The following GTF2B variants were observed in gnomAD, a reference collection of about 807,000 sequenced individuals.
GTF2B encodes general transcription factor IIB.
GTF2B carries 20 observed loss-of-function variants against 34.6 expected under a neutral mutation model. The observed-to-expected ratio is 0.58, with a 90% CI of 0.41 to 0.84. GTF2B has a LOEUF of 0.84. Ranked by LOEUF, GTF2B falls within the 40% of genes least tolerant of loss-of-function variation. GTF2B has a pLI of 0.00. For synonymous variants in GTF2B, 142 were observed against 132.4 expected, an observed-to-expected ratio of 1.07 and a Z score of -0.50; for missense variants, 237 against 393.3, an observed-to-expected ratio of 0.60 and a Z score of 3.36.
chr1:88,867,659 T>A (rs992852259), intron 2 of GTF2B, among the ~76,000 whole-genome samples: 5 of 152,210 alleles, frequency 3.3e-5, no homozygotes, highest in African/African-American at 7.2e-5. Flanking sequence ...CCACATCTTT[T>A]AAGTCTCTCT....
intron 5 of GTF2B, among the ~76,000 whole-genome samples, chr1:88,858,960 C>T (rs964394457): frequency 1.3e-5 from 2 of 151,690 alleles, no homozygotes; most frequent in Non-Finnish European, 2.9e-5. Flanking sequence ...CTCTGCCTCC[C>T]GGTTTCAAGC....
At position 88,865,248 on chromosome 1, in the gene GTF2B, T is replaced by C. The variant is rs1052779010; in HGVS notation, c.125-1134A>G. On this transcript the variant is annotated intron_variant, in intron 2 of 6. Coordinates refer to ENST00000370500, the MANE Select transcript of GTF2B (RefSeq NM_001514.6). The stretch of plus-strand genomic sequence containing the variant: ...CTCTAAAATTCTCTTTAACCTCATA[T>C]TTTAAAGATTATAAAGACTAAGCTA... 5.3e-5 allele frequency among the ~76,000 whole-genome samples: 8 copies of C among 152,366 alleles called. No homozygotes were observed. In the South Asian group the frequency reaches 1.7e-3, roughly 32 times the overall value.
intron 2 of GTF2B, among the ~76,000 whole-genome samples, chr1:88,880,449 T>C (rs1673910386): frequency 6.6e-6 from 1 of 152,226 alleles, no homozygotes; most frequent in African/African-American, 2.4e-5. Context: ...TACAGTCACA[T>C]GTTGCATAAC....
At chr1:88,869,348 G>A (rs774073291) in intron 2 of GTF2B, among the ~76,000 whole-genome samples, 2 of 152,196 alleles carry the variant, frequency 1.3e-5, no homozygotes, top group Non-Finnish European at 2.9e-5. Context: ...GATGGAGTGA[G>A]TGTATTTACC....
intron 2 of GTF2B, among the ~76,000 whole-genome samples, chr1:88,867,839 T>C (rs1484616585): frequency 6.6e-6 from 1 of 152,200 alleles, no homozygotes; most frequent in African/African-American, 2.4e-5. Flanking sequence ...ATAGTATAAA[T>C]AGAAAGCGCA....
Position 88,887,320 on chromosome 1 carries a change from A to G in GTF2B, c.65T>C (p.Ile22Thr). 1 of 1,613,208 alleles carries G rather than the reference A, an allele frequency of 6.2e-7. No individual in the cohort carries two copies. The change falls in exon 2 of 7, where the codon ATT (isoleucine) becomes ACT (threonine). Residue 22 changes from isoleucine to threonine, a missense_variant. Coordinates refer to ENST00000370500, the MANE Select transcript of GTF2B (RefSeq NM_001514.6). ...ACCGGCTCTGTAGTCCTCCACTAAA[A>G]TCGCATCTGGATGGTTTGGACATGT... ...RVTCPNHPDAILVEDYRAGDM... is the reference protein window; with the variant it reads ...RVTCPNHPDATLVEDYRAGDM...
chr1:88,864,662 G>A (rs1441495144), intron 2 of GTF2B, among the ~76,000 whole-genome samples: 1 of 152,182 alleles, frequency 6.6e-6, no homozygotes, highest in Non-Finnish European at 1.5e-5. Flanking sequence ...AAGAAAGCCT[G>A]GTAGGCAAAC....
chr1:88,857,179 G>A, intron 6 of GTF2B, 27 bp downstream of exon 6: 2 of 1,576,798 alleles, frequency 1.3e-6, no homozygotes, highest in Non-Finnish European at 1.7e-6. Flanking sequence ...TCAGTTTACT[G>A]CCACACTTCC....
intron 3 of GTF2B, among the ~76,000 whole-genome samples, chr1:88,860,799 T>A (rs944750901): frequency 6.6e-6 from 1 of 152,176 alleles, no homozygotes; most frequent in African/African-American, 2.4e-5. Context: ...CTTCTTTACA[T>A]TAGAAAACCA....
intron 6 of GTF2B, among the ~76,000 whole-genome samples, chr1:88,854,930 G>A (rs1252792847): frequency 6.6e-6 from 1 of 152,210 alleles, no homozygotes; most frequent in African/African-American, 2.4e-5. Flanking sequence ...ATCTCACACT[G>A]CATTACATTA....
intron 2 of GTF2B, among the ~76,000 whole-genome samples, chr1:88,866,098 A>T (rs974534905): frequency 2.0e-5 from 3 of 152,192 alleles, no homozygotes; most frequent in African/African-American, 7.2e-5. Context: ...ATGGTGGTTC[A>T]CACCTGTAAT....
At chr1:88,856,803 G>T (rs1177939026) in intron 6 of GTF2B, among the ~76,000 whole-genome samples, 1 of 110,532 alleles carries the variant, frequency 9.0e-6, no homozygotes, top group Non-Finnish European at 1.9e-5. Flanking sequence ...CTTAAACGTG[G>T]GTTTTTTTTT....
intron 2 of GTF2B, among the ~76,000 whole-genome samples, chr1:88,871,532 C>T (rs1673693313): frequency 6.6e-6 from 1 of 152,084 alleles, no homozygotes; most frequent in African/African-American, 2.4e-5. Context: ...CATTTCCACT[C>T]ACATGCCACT....
intron 2 of GTF2B, among the ~76,000 whole-genome samples, chr1:88,871,437 T>C (rs1274503352): frequency 1.3e-5 from 2 of 152,172 alleles, no homozygotes; most frequent in African/African-American, 4.8e-5. Flanking sequence ...ACCTGAGATA[T>C]TGCCAGTTAC....
intron 2 of GTF2B, among the ~76,000 whole-genome samples, chr1:88,869,068 C>A (rs1219556725): frequency 6.6e-6 from 1 of 152,150 alleles, no homozygotes; most frequent in African/African-American, 2.4e-5. Context: ...TCCGCGGATT[C>A]AACCAACCAG....
chr1:88,868,462 C>T (rs1673607428), intron 2 of GTF2B, among the ~76,000 whole-genome samples: 1 of 152,148 alleles, frequency 6.6e-6, no homozygotes. Context: ...ATCAAGTTCC[C>T]CATCCAAAAG....
rs762984267 is a variant in GTF2B at position 88,857,187 on chromosome 1, TC to T, written c.817+18del. The T allele has an allele frequency of 8.8e-6, 14 of 1,588,766 alleles. No homozygotes were observed. In the Admixed American group the frequency reaches 2.6e-4, roughly 29 times the overall value. On this transcript the variant is annotated intron_variant, in intron 6 of 6. Coordinates refer to ENST00000370500, the MANE Select transcript of GTF2B (RefSeq NM_001514.6). ...GCAAATTTCAGTTTACTGCCACACT[TC>T]CTGATGACGAACCCTACCTTTTTGG...
At chr1:88,888,191 T>C (rs945210125) in intron 1 of GTF2B, 2 of 152,210 alleles carry the variant, frequency 1.3e-5, no homozygotes, top group African/African-American at 4.8e-5. Context: ...GGTTAGGTTA[T>C]GGACATCAGA....
At chr1:88,866,780 A>C (rs2100968732) in intron 2 of GTF2B, among the ~76,000 whole-genome samples, 1 of 152,348 alleles carries the variant, frequency 6.6e-6, no homozygotes, top group African/African-American at 2.4e-5. Context: ...ATGTGTCCAC[A>C]TTACAAAGGG....
Sources: allele counts gnomAD v4.1 joint callset (sites outside exome capture counted in the v4.1 genomes callset), GRCh38; gene constraint gnomAD v4.1.1; transcripts MANE v1.5; gene names NCBI Gene and HGNC (gene_info 2026-07-23, HGNC 2026-07-21).